KCNAB2: variants seen among roughly 807,000 people sequenced by gnomAD.
KCNAB2 encodes potassium voltage-gated channel subfamily A regulatory beta subunit 2.
A neutral mutation model predicts 63.6 loss-of-function variants in KCNAB2; 29 were observed. The observed-to-expected ratio is 0.46, with a 90% CI of 0.34 to 0.62. KCNAB2 has a LOEUF of 0.62. Ranked by LOEUF, KCNAB2 falls within the 20% of genes least tolerant of loss-of-function variation. The pLI, the probability that KCNAB2 is intolerant of heterozygous loss-of-function variation, is 0.01. For missense variants in KCNAB2, 359 were observed against 563.9 expected, an observed-to-expected ratio of 0.64 and a Z score of 3.68; for synonymous variants, 222 against 224.2, an observed-to-expected ratio of 0.99 and a Z score of 0.09.
chr1:6,100,444 T>G lies in KCNAB2; in HGVS notation c.*1870T>G. On this transcript the variant is annotated 3_prime_UTR_variant, in exon 16 of 16. Coordinates refer to ENST00000378083, the MANE Select transcript of KCNAB2 (RefSeq NM_001199862.2). ...CCCAGGTGGGGGTCGCCTGCTTCCT[T>G]CCCGGACAGGGTCCTGCAGTGGCCA... 1 of 163,618 alleles carries G rather than the reference T, an allele frequency of 6.1e-6. No homozygotes were observed. The highest frequency in any genetic ancestry group is 1.3e-5 in the Non-Finnish European group (1 of 75,692). The allele number at this position is 163,618 out of a possible 1,614,324, so 10.1% of individuals were successfully genotyped here.
At chr1:6,004,971 GGGATGA>G (rs1557920857) in intron 1 of KCNAB2, among the ~76,000 whole-genome samples, 2 of 128,112 alleles carry the variant, frequency 1.6e-5, no homozygotes, top group African/African-American at 2.9e-5. Flanking sequence ...GCTGAGCTGA[GGGATGA>G]GGGTGCAGGC....
rs898353285 is a variant in KCNAB2, at chr1:6,086,113, A to C, written c.425+865A>C. 2.0e-6 allele frequency: 2 copies of C among 985,276 alleles called. No individual in the cohort carries two copies. Among genetic ancestry groups the C allele is most frequent in the African/African-American group, 1.7e-5 (1 of 57,226 alleles). The allele number at this position is 985,276 out of a possible 1,614,324, so 61.0% of individuals were successfully genotyped here. A position where few individuals can be genotyped will look rare whatever the true frequency, so the allele number is the denominator to read the frequency against. On this transcript the variant is annotated intron_variant, in intron 6 of 15. Transcript: ENST00000378083. This position sits in a 1 kb window ranked among gnomAD's most constrained non-coding sequence, Gnocchi z 4.2. The stretch of plus-strand genomic sequence containing the variant: ...CACAGCTTTATCTCAAGGTGCTGAC[A>C]AGCCCCGGGGCCCTGTTCCTTAATA...
chr1:6,075,105 C>T (rs1663552295), intron 4 of KCNAB2, among the ~76,000 whole-genome samples: 1 of 152,196 alleles, frequency 6.6e-6, no homozygotes, highest in Admixed American at 6.5e-5. Context: ...TCAGTTGGAG[C>T]CCTGGGGCCC....
intron 10 of KCNAB2, among the ~76,000 whole-genome samples, chr1:6,093,539 G>C (rs902329498): frequency 2.0e-5 from 3 of 152,240 alleles, no homozygotes; most frequent in Admixed American, 6.5e-5. Flanking sequence ...TAAAAGGCCA[G>C]CGTGAAGTCT....
At chr1:5,998,755 C>T (rs1284554581) in intron 1 of KCNAB2, among the ~76,000 whole-genome samples, 2 of 152,216 alleles carry the variant, frequency 1.3e-5, no homozygotes, top group Non-Finnish European at 2.9e-5. Context: ...GGCGCAGGAC[C>T]CCAGATTCAG....
upstream of KCNAB2, among the ~76,000 whole-genome samples, chr1:6,033,777 C>T (rs530977648): frequency 6.6e-6 from 1 of 152,114 alleles, no homozygotes; most frequent in Non-Finnish European, 1.5e-5. Flanking sequence ...ATTTAATGAC[C>T]GGATTCCTTC....
In KCNAB2 at chr1:6,095,492, G is replaced by A. The variant is rs372503571; in HGVS notation, c.854-38G>A. 36 of 1,427,046 alleles carry A rather than the reference G, an allele frequency of 2.5e-5. No individual in the cohort carries two copies. In the Middle Eastern group the frequency reaches 7.2e-4, roughly 29 times the overall value. 88.4% of individuals were successfully genotyped at this position (1,427,046 alleles called of 1,614,324 possible). A position where few individuals can be genotyped will look rare whatever the true frequency, so the allele number is the denominator to read the frequency against. On this transcript the variant is annotated intron_variant, in intron 12 of 15. Transcript: ENST00000378083. ...CCCGCCCCACCCCACCCCTGCTCTCGGGCCCAGGGCTTGACTCCACCTGCT... is the reference window on the plus strand; with the variant it reads ...CCCGCCCCACCCCACCCCTGCTCTCAGGCCCAGGGCTTGACTCCACCTGCT...
Position 6,096,771 on chromosome 1 carries a change from G to A in KCNAB2, c.1069+15G>A, listed in dbSNP as rs548615444. On this transcript the variant is annotated intron_variant, in intron 14 of 15. Coordinates refer to ENST00000378083, the MANE Select transcript of KCNAB2 (RefSeq NM_001199862.2). The surrounding 1 kb of genome is among the most constrained non-coding windows in gnomAD (Gnocchi z 5.9). ...GCTGGCCATAGGTAACGGTGGGGTC[G>A]CCATGGGGCCAGTGCCCCTGGGGAG... The A allele has an allele frequency of 1.0e-5, 16 of 1,556,170 alleles. No individual in the cohort carries two copies. The highest frequency in any genetic ancestry group is 2.7e-5 in the African/African-American group (2 of 73,870).
At chr1:5,993,837 G>A (rs1656743628) in intron 1 of KCNAB2, among the ~76,000 whole-genome samples, 1 of 152,212 alleles carries the variant, frequency 6.6e-6, no homozygotes, top group Non-Finnish European at 1.5e-5. Flanking sequence ...TGTCGTGATA[G>A]GGACCTGGCT....
intron 5 of KCNAB2, among the ~76,000 whole-genome samples, chr1:6,084,624 T>A (rs909245621): frequency 6.6e-6 from 1 of 152,284 alleles, no homozygotes. Context: ...GAGACCAGCC[T>A]GGCCAACATA....
chr1:6,033,549 G>A (rs1659805923), upstream of KCNAB2, among the ~76,000 whole-genome samples: 1 of 152,208 alleles, frequency 6.6e-6, no homozygotes, highest in East Asian at 1.9e-4. Context: ...GAGCGGGAAT[G>A]CATACAAGTG....
chr1:6,056,761 A>G (rs919055629), intron 2 of KCNAB2, among the ~76,000 whole-genome samples: 10 of 152,236 alleles, frequency 6.6e-5, no homozygotes, highest in African/African-American at 1.9e-4. Flanking sequence ...TTCCATCCAC[A>G]GGGTCATCGC....
intron 1 of KCNAB2, among the ~76,000 whole-genome samples, chr1:6,013,245 C>T (rs1287675046): frequency 6.6e-6 from 1 of 152,136 alleles, no homozygotes; most frequent in South Asian, 2.1e-4. Flanking sequence ...CGAGACAGAC[C>T]CACCCCCTGC....
intron 4 of KCNAB2, among the ~76,000 whole-genome samples, chr1:6,080,409 C>T (rs908278950): frequency 6.6e-6 from 1 of 152,146 alleles, no homozygotes; most frequent in Non-Finnish European, 1.5e-5. Context: ...GCAGGTCCCT[C>T]GGGCGGCGGA....
At position 6,087,188 on chromosome 1, in the gene KCNAB2, C is replaced by T. The variant is rs1287208733; in HGVS notation, c.426-279C>T. On this transcript the variant is annotated intron_variant, in intron 6 of 15. Transcript: ENST00000378083. This position sits in a 1 kb window ranked among gnomAD's most constrained non-coding sequence, Gnocchi z 6.4. ...ACATCCTGGGCGGAAGGCATCTCCTCCGGACTCCGGTCACACTAGGCCCCC... is the reference window on the plus strand; with the variant it reads ...ACATCCTGGGCGGAAGGCATCTCCTTCGGACTCCGGTCACACTAGGCCCCC... Among the ~76,000 whole-genome samples the T allele has an allele frequency of 6.6e-6, 1 of 152,148 alleles. No homozygotes were observed. Among genetic ancestry groups the T allele is most frequent in the African/African-American group, 2.4e-5 (1 of 41,428 alleles).
chr1:5,996,941 G>A (rs976041887), intron 1 of KCNAB2, among the ~76,000 whole-genome samples: 1 of 152,186 alleles, frequency 6.6e-6, no homozygotes, highest in Non-Finnish European at 1.5e-5. Flanking sequence ...TGGTCCGCAG[G>A]GGTCCTGAGT....
At chr1:6,020,364 G>T (rs959546037) in intron 1 of KCNAB2, among the ~76,000 whole-genome samples, 2 of 152,100 alleles carry the variant, frequency 1.3e-5, no homozygotes, top group African/African-American at 4.8e-5. Context: ...CTGCAGTACA[G>T]CCTCCCACCT....
At position 6,051,575 on chromosome 1, in the gene KCNAB2, G is replaced by T; in HGVS notation, c.39G>T (p.Val13=). 6.5e-7 allele frequency: 1 copy of T among 1,534,292 alleles called. No individual in the cohort carries two copies. Among genetic ancestry groups the T allele is most frequent in the Non-Finnish European group, 8.7e-7 (1 of 1,145,862 alleles). ...SMTYSESLRS[V]SSRCHSEWAL... ...CGTACAGCGAGAGTCTGCGGAGCGTGAGCAGCAGGTGCCACTCTGAATGGG... is the reference window on the plus strand; with the variant it reads ...CGTACAGCGAGAGTCTGCGGAGCGTTAGCAGCAGGTGCCACTCTGAATGGG... Residue 13 remains valine (V), a synonymous_variant, in exon 2 of 16, where the codon GTG becomes GTT. Transcript: ENST00000378083.
upstream of KCNAB2, among the ~76,000 whole-genome samples, chr1:6,033,444 T>TGTGTGTGCCTGTGCATATGTAG (rs1373370007): frequency 6.6e-6 from 1 of 151,850 alleles, no homozygotes. Flanking sequence ...GTGGTGTGCG[T>TGTGTGTGCCTGTGCATATGTAG]GTGTGTGCCT....
Sources: allele counts gnomAD v4.1 joint callset (sites outside exome capture counted in the v4.1 genomes callset), GRCh38; gene constraint gnomAD v4.1.1; non-coding constraint Gnocchi (gnomAD v3.1); transcripts MANE v1.5; gene names NCBI Gene and HGNC (gene_info 2026-07-23, HGNC 2026-07-21).